WDR7: variants seen among roughly 807,000 people sequenced by gnomAD.
WDR7 encodes WD repeat domain 7.
WDR7 carries 46 observed loss-of-function variants against 169.4 expected under a neutral mutation model. That is an observed-to-expected ratio of 0.27 (90% CI 0.21 to 0.35). The LOEUF (loss-of-function observed/expected upper bound fraction) is 0.35, where lower values mean the gene tolerates loss of function less well. Among genes scored for constraint, WDR7 ranks in the 10% least tolerant of loss-of-function variants. The pLI, the probability that WDR7 is intolerant of heterozygous loss-of-function variation, is 1.00. For synonymous variants in WDR7, 612 were observed against 666.8 expected (o/e 0.92, Z 1.27); for missense variants, 1,534 against 1,859.3 (o/e 0.83, Z 3.22).
chr18:56,723,758 T>C (rs2026375083), intron 13 of WDR7, among the ~76,000 whole-genome samples: 1 of 152,116 alleles, frequency 6.6e-6, no homozygotes, highest in Non-Finnish European at 1.5e-5. Flanking sequence ...TTGGCCATAA[T>C]TTATTCAAAT....
intron 20 of WDR7, among the ~76,000 whole-genome samples, chr18:56,840,203 A>G (rs565184053): frequency 6.6e-6 from 1 of 152,252 alleles, no homozygotes; most frequent in Admixed American, 6.5e-5. Context: ...GAAAGGGGAG[A>G]GATTTTGAGA....
intron 1 of WDR7, among the ~76,000 whole-genome samples, chr18:56,670,150 A>G (rs929156163): frequency 3.9e-5 from 6 of 152,044 alleles, no homozygotes; most frequent in African/African-American, 1.4e-4. Flanking sequence ...AACTAGGTTT[A>G]TGTGGTTGCC....
At chr18:56,934,444 G>A (rs1246710170) in intron 22 of WDR7, among the ~76,000 whole-genome samples, 6 of 151,766 alleles carry the variant, frequency 4.0e-5, no homozygotes, top group Non-Finnish European at 8.8e-5. Context: ...TTCTGCTTGT[G>A]CATTGTTCAA....
chr18:56,835,435 A>T (rs1454203675), intron 20 of WDR7, among the ~76,000 whole-genome samples: 2 of 152,204 alleles, frequency 1.3e-5, no homozygotes, highest in African/African-American at 4.8e-5. Flanking sequence ...ATTTTAAAAC[A>T]TTCTTGACAT....
intron 20 of WDR7, among the ~76,000 whole-genome samples, chr18:56,852,014 T>C (rs1272221273): frequency 6.6e-6 from 1 of 152,182 alleles, no homozygotes; most frequent in East Asian, 1.9e-4. Flanking sequence ...ACCCTCTGGC[T>C]TCATTTCTCA....
chr18:56,756,558 T>C, intron 14 of WDR7, 25 bp from the exon 15 acceptor site: 1 of 1,513,892 alleles, frequency 6.6e-7, no homozygotes. Flanking sequence ...TAATTATAAC[T>C]ATCTTTTAAA....
intron 26 of WDR7, among the ~76,000 whole-genome samples, chr18:56,964,112 A>T (rs2047372251): frequency 6.6e-6 from 1 of 151,546 alleles, no homozygotes; most frequent in African/African-American, 2.4e-5. Flanking sequence ...AACAGCTATT[A>T]GGAAGAATTA....
intron 5 of WDR7, among the ~76,000 whole-genome samples, chr18:56,685,137 AT>A (rs1260086783): frequency 2.6e-5 from 4 of 152,224 alleles, no homozygotes; most frequent in Non-Finnish European, 5.9e-5. Context: ...TAAGGTTTTT[AT>A]TTAAAGATAA....
intron 20 of WDR7, among the ~76,000 whole-genome samples, chr18:56,842,768 C>T (rs1051301552): frequency 6.6e-6 from 1 of 152,170 alleles, no homozygotes; most frequent in East Asian, 1.9e-4. Context: ...AGTATTTTAA[C>T]GTTTTAGAAA....
chr18:56,815,691 C>T (rs1322729086), intron 19 of WDR7, among the ~76,000 whole-genome samples: 1 of 152,184 alleles, frequency 6.6e-6, no homozygotes, highest in Non-Finnish European at 1.5e-5. Context: ...CCACACTTTC[C>T]TCTTTGTTGA....
At chr18:56,695,618 A>G (rs1012570375) in intron 11 of WDR7, among the ~76,000 whole-genome samples, 4 of 151,258 alleles carry the variant, frequency 2.6e-5, no homozygotes, top group Non-Finnish European at 2.9e-5. Context: ...GCTCACTACA[A>G]TCTCTGCCTC....
At chr18:56,851,791 G>C (rs886368045) in intron 20 of WDR7, among the ~76,000 whole-genome samples, 1 of 152,212 alleles carries the variant, frequency 6.6e-6, no homozygotes, top group Non-Finnish European at 1.5e-5. Flanking sequence ...TTTTGGTACA[G>C]TATTAAAGTT....
At chr18:56,779,000 C>CA (rs1472403091) in intron 17 of WDR7, among the ~76,000 whole-genome samples, 1 of 152,158 alleles carries the variant, frequency 6.6e-6, no homozygotes, top group Non-Finnish European at 1.5e-5. Context: ...CACAGATGGC[C>CA]ATGCCTTAAG....
intron 22 of WDR7, among the ~76,000 whole-genome samples, chr18:56,928,309 A>G (rs2046834808): frequency 6.6e-6 from 1 of 150,580 alleles, no homozygotes; most frequent in Non-Finnish European, 1.5e-5. Context: ...ACAAACAAAA[A>G]TAATAATTAC....
chr18:56,950,727 T>G (rs77282795), intron 25 of WDR7, among the ~76,000 whole-genome samples: 2,246 of 152,258 alleles, frequency 0.015, 16 homozygotes, highest in African/African-American at 0.026. Context: ...TCCTGAAACT[T>G]CTACTTATTT....
At chr18:56,816,961 AAAG>A (rs2044982672) in intron 20 of WDR7, among the ~76,000 whole-genome samples, 1 of 152,316 alleles carries the variant, frequency 6.6e-6, no homozygotes, top group East Asian at 1.9e-4. Flanking sequence ...AATATTTTAG[AAAG>A]AAGTACGCCC....
At chr18:56,999,240 T>C (rs1384665683) in intron 26 of WDR7, among the ~76,000 whole-genome samples, 1 of 152,214 alleles carries the variant, frequency 6.6e-6, no homozygotes, top group Non-Finnish European at 1.5e-5. Context: ...ATCTGGTTTC[T>C]TTGTACTGTG....
In WDR7 at chr18:56,994,976, A is replaced by G. The variant is rs568749806; in HGVS notation, c.4165-25769A>G. ...TCACGTGAATTAAATTATCAAATTTAGAATCTAAGTTGCTAAAACAATTTA... is the reference window on the plus strand; with the variant it reads ...TCACGTGAATTAAATTATCAAATTTGGAATCTAAGTTGCTAAAACAATTTA... On this transcript the variant is annotated intron_variant, in intron 26 of 27. Coordinates refer to ENST00000254442, the MANE Select transcript of WDR7 (RefSeq NM_015285.3). Among the ~76,000 whole-genome samples the G allele has an allele frequency of 9.2e-5, 14 of 152,358 alleles. No individual in the cohort carries two copies. The South Asian group carries it at 2.7e-3, about 29-fold the overall frequency.
chr18:56,924,787 C>T (rs12965656), intron 22 of WDR7, among the ~76,000 whole-genome samples: 53,866 of 152,076 alleles, frequency 0.35, 10,923 homozygotes, highest in East Asian at 0.75. Context: ...GTATAATACA[C>T]ATATCATGAA....
Sources: gnomAD v4.1 joint callset for allele counts (sites outside exome capture counted in the v4.1 genomes callset) on GRCh38, gnomAD v4.1.1 for gene constraint, MANE v1.5 for transcripts, NCBI Gene and HGNC (gene_info 2026-07-23, HGNC 2026-07-21) for gene names.